Variants in DYNC2I1 observed in about 807,000 individuals in gnomAD.
DYNC2I1 encodes cytoplasmic dynein 2 intermediate chain 1.
Under a neutral mutation model 133.4 loss-of-function variants are expected in DYNC2I1, and 89 were observed. The ratio of observed to expected loss-of-function variants is 0.67; its 90% CI spans 0.56 to 0.80. The LOEUF (loss-of-function observed/expected upper bound fraction) is 0.80, where lower values mean the gene tolerates loss of function less well. DYNC2I1 is among the 30% of genes least tolerant of loss of function. The probability of loss-of-function intolerance (pLI) is 0.00; values close to 1 mark genes in which losing one functional copy is unlikely to be tolerated. For synonymous variants in DYNC2I1, 504 were observed against 484.3 expected, an observed-to-expected ratio of 1.04 and a Z score of -0.54; for missense variants, 1,291 against 1,314.5, an observed-to-expected ratio of 0.98 and a Z score of 0.28.
chr7:158,892,382 G>T (rs1845312609), intron 8 of DYNC2I1, among the ~76,000 whole-genome samples: 1 of 152,084 alleles, frequency 6.6e-6, no homozygotes, highest in South Asian at 2.1e-4. Flanking sequence ...AATGTGCAAT[G>T]ACTTTATATG....
In DYNC2I1 at chr7:158,945,655, C is replaced by T. The variant is rs370850399; in HGVS notation, c.3077C>T (p.Ala1026Val). The T allele has an allele frequency of 6.2e-6, 10 of 1,612,256 alleles. No homozygotes were observed. Among genetic ancestry groups the T allele is most frequent in the Admixed American group, 1.7e-5 (1 of 59,798 alleles). Reference sequence around the variant, plus strand: ...TTCCTGGCCCTGGTGCTGGCCAGGGCGTCTGGCTCCATCGACATCCAGCAC... The same window carrying T: ...TTCCTGGCCCTGGTGCTGGCCAGGGTGTCTGGCTCCATCGACATCCAGCAC... Reference protein sequence around the residue: ...GSFLALVLARASGSIDIQHLK... With the variant: ...GSFLALVLARVSGSIDIQHLK... Residue 1026 changes from alanine (A) to valine (V), a missense_variant, in exon 25 of 25, where the codon GCG becomes GTG. Ala to Val is a moderately conservative substitution (Grantham distance 64). Transcript: ENST00000407559. The surrounding 1 kb of genome is among the most constrained non-coding windows in gnomAD (Gnocchi z 4.1).
At chr7:158,940,922 A>G (rs1206319044) in intron 23 of DYNC2I1, among the ~76,000 whole-genome samples, 1 of 152,208 alleles carries the variant, frequency 6.6e-6, no homozygotes, top group Non-Finnish European at 1.5e-5. Flanking sequence ...CACCTCAAGG[A>G]AGGAGAAAAG....
downstream of DYNC2I1, among the ~76,000 whole-genome samples, chr7:158,947,997 A>G (rs1355483478): frequency 6.6e-6 from 1 of 152,166 alleles, no homozygotes; most frequent in African/African-American, 2.4e-5. Flanking sequence ...GAAACATCCA[A>G]AAAGGCCAAC....
intron 11 of DYNC2I1, among the ~76,000 whole-genome samples, chr7:158,906,451 A>G (rs1846824541): frequency 6.6e-6 from 1 of 152,108 alleles, no homozygotes; most frequent in Non-Finnish European, 1.5e-5. Context: ...GAAAAAAATA[A>G]ATATTTTTAT....
At chr7:158,852,957 T>G (rs891832921), upstream of DYNC2I1, among the ~76,000 whole-genome samples, 1 of 152,224 alleles carries the variant, frequency 6.6e-6, no homozygotes, top group Admixed American at 6.5e-5. Context: ...GCTTTTTGTT[T>G]GTTGGCTTTT....
chr7:158,847,110 T>A, the DYNC2I1 span, among the ~76,000 whole-genome samples: 2 of 152,364 alleles, frequency 1.3e-5, no homozygotes, highest in East Asian at 3.9e-4. Flanking sequence ...TTGGTTCACA[T>A]CACTTTAGTA....
At chr7:158,894,088 C>T (rs190097642) in intron 8 of DYNC2I1, among the ~76,000 whole-genome samples, 244 of 15,004 alleles carry the variant, frequency 0.016, no homozygotes, top group African/African-American at 0.043. Context: ...CATATTATAC[C>T]GTATAGCAAA....
In DYNC2I1 at chr7:158,915,216, G is replaced by A. The variant is rs533802490; in HGVS notation, c.1791+895G>A. On this transcript the variant is annotated intron_variant, in intron 14 of 24. Coordinates refer to ENST00000407559, the MANE Select transcript of DYNC2I1 (RefSeq NM_018051.5). ...ACCTCGACACGCTGGTTGACATTAAGGATGACTGTGAAACATCGACATGCT... is the reference window on the plus strand; with the variant it reads ...ACCTCGACACGCTGGTTGACATTAAAGATGACTGTGAAACATCGACATGCT... 3.2e-3 allele frequency among the ~76,000 whole-genome samples: 489 copies of A among 151,848 alleles called. 3 individuals are homozygous for A. Among genetic ancestry groups the A allele is most frequent in the African/African-American group, 0.011 (470 of 41,308 alleles).
chr7:158,941,986 A>G lies in DYNC2I1; in HGVS notation c.2840A>G (p.Gln947Arg). The G allele has an allele frequency of 6.2e-7, 1 of 1,613,390 alleles. No homozygotes were observed. Residue 947 changes from glutamine (Q) to arginine (R), a missense_variant, in exon 24 of 25, where the codon CAG (glutamine) becomes CGG (arginine). Coordinates refer to ENST00000407559, the MANE Select transcript of DYNC2I1 (RefSeq NM_018051.5). ...CTGAGCTCCGCGTTTCCGCTCCTGC[A>G]GTGGGACAGCAGCACGGACAGCCAT... ...HQLSSAFPLL[Q>R]WDSSTDSHAV...
At chr7:158,852,479 G>A (rs551627611), upstream of DYNC2I1, among the ~76,000 whole-genome samples, 6 of 151,740 alleles carry the variant, frequency 4.0e-5, no homozygotes, top group South Asian at 1.0e-3. Flanking sequence ...GGTGGCTCAC[G>A]CCTGTAATCC....
intron 6 of DYNC2I1, 44 bp downstream of exon 6, chr7:158,884,663 C>T (rs149990283): frequency 6.3e-7 from 1 of 1,599,336 alleles, no homozygotes; most frequent in East Asian, 2.2e-5. Flanking sequence ...GTGTGCCGCT[C>T]TCATGGAATG....
rs578159870 is a variant in DYNC2I1, at chr7:158,933,024, G to A, written c.2547-1105G>A. 3.9e-5 allele frequency among the ~76,000 whole-genome samples: 6 copies of A among 152,244 alleles called. No individual in the cohort carries two copies. In the South Asian group the frequency reaches 1.2e-3, roughly 32 times the overall value. On this transcript the variant is annotated intron_variant, in intron 21 of 24. Transcript: ENST00000407559. ...TGCCTGTGGAGATGCCCAGGAGCTA[G>A]GGGCCTCCATAGCAGAAACCCCAGA... is the stretch of plus-strand genomic sequence containing the variant.
chr7:158,884,828 T>C (rs1844438018), intron 6 of DYNC2I1, among the ~76,000 whole-genome samples: 1 of 152,256 alleles, frequency 6.6e-6, no homozygotes, highest in Admixed American at 6.5e-5. Flanking sequence ...TAATATATTA[T>C]TAGCTTTCTT....
the DYNC2I1 span, among the ~76,000 whole-genome samples, chr7:158,849,697 C>T: frequency 6.6e-6 from 1 of 152,226 alleles, no homozygotes; most frequent in Non-Finnish European, 1.5e-5. Context: ...GGAGAGGAGG[C>T]TCTGGAGAGG....
At chr7:158,933,679 T>G (rs1850454072) in intron 21 of DYNC2I1, among the ~76,000 whole-genome samples, 2 of 152,258 alleles carry the variant, frequency 1.3e-5, no homozygotes, top group African/African-American at 4.8e-5. Flanking sequence ...AACCCCCTGG[T>G]GGGTAAAGAT....
chr7:158,905,140 CTTTTTTTT>C (rs77389434), intron 10 of DYNC2I1: 1 of 335,740 alleles, frequency 3.0e-6, no homozygotes, highest in South Asian at 2.3e-5. Flanking sequence ...CTTTCTTTTT[CTTTTTTTT>C]TTTTTTTTTT....
intron 16 of DYNC2I1, 59 bp from the exon 17 acceptor site, chr7:158,923,512 T>G: frequency 6.2e-7 from 1 of 1,611,794 alleles, no homozygotes; most frequent in Non-Finnish European, 8.5e-7. Flanking sequence ...AAATGCAGCT[T>G]GTGTTAGCAT....
At chr7:158,860,172 C>G (rs1212348242) in intron 1 of DYNC2I1, among the ~76,000 whole-genome samples, 1 of 151,900 alleles carries the variant, frequency 6.6e-6, no homozygotes, top group Non-Finnish European at 1.5e-5. Context: ...TCTCCTGCCT[C>G]AGCCTCGCAA....
At chr7:158,888,650 A>G (rs1267124575) in intron 7 of DYNC2I1, among the ~76,000 whole-genome samples, 2 of 151,884 alleles carry the variant, frequency 1.3e-5, no homozygotes, top group Non-Finnish European at 2.9e-5. Context: ...TTGTATTTTT[A>G]GTAGAGACAG....
Sources: allele counts gnomAD v4.1 joint callset (sites outside exome capture counted in the v4.1 genomes callset), GRCh38; gene constraint gnomAD v4.1.1; non-coding constraint Gnocchi (gnomAD v3.1); transcripts MANE v1.5; gene names NCBI Gene and HGNC (gene_info 2026-07-23, HGNC 2026-07-21).